Variants in ELAVL3 observed in about 807,000 individuals in gnomAD.
ELAVL3 encodes ELAV-like protein 3.
In ELAVL3, 8 loss-of-function variants were observed where a neutral mutation model predicts 34.2. That is an observed-to-expected ratio of 0.23 (90% CI 0.14 to 0.42). The LOEUF (loss-of-function observed/expected upper bound fraction) is 0.42, where lower values mean the gene tolerates loss of function less well. ELAVL3 is among the 10% of genes least tolerant of loss of function. ELAVL3 has a pLI of 1.00. For synonymous variants in ELAVL3, 209 were observed against 222.1 expected, an observed-to-expected ratio of 0.94 and a Z score of 0.53; for missense variants, 273 against 518.8, an observed-to-expected ratio of 0.53 and a Z score of 4.60.
chr19:11,457,269 G>T, intron 5 of ELAVL3, 121 bp from the exon 6 acceptor site: 2 of 1,079,530 alleles, frequency 1.9e-6, no homozygotes. Flanking sequence ...GCCCCCGCCT[G>T]CCTGCTCCCC....
At chr19:11,471,871 G>T (rs1393302773) in intron 1 of ELAVL3, among the ~76,000 whole-genome samples, 1 of 152,166 alleles carries the variant, frequency 6.6e-6, no homozygotes, top group African/African-American at 2.4e-5. Context: ...AGAACAATTG[G>T]CAAGGGCTAT....
At chr19:11,461,634 G>A (rs1599534064) in intron 3 of ELAVL3, among the ~76,000 whole-genome samples, 1 of 150,894 alleles carries the variant, frequency 6.6e-6, no homozygotes, top group East Asian at 2.0e-4. Context: ...GTCTTGCTGT[G>A]TTGCCCAGGC....
At chr19:11,465,675 G>A (rs986674764) in intron 3 of ELAVL3, among the ~76,000 whole-genome samples, 1 of 152,176 alleles carries the variant, frequency 6.6e-6, no homozygotes, top group African/African-American at 2.4e-5. Context: ...AGAGAGGGGG[G>A]TTTCCATGAC....
rs200383181 is a variant in ELAVL3 at position 11,454,500 on chromosome 19, G to T, written c.*26C>A. On this transcript the variant is annotated 3_prime_UTR_variant, in exon 7 of 7. Transcript: ENST00000359227. The surrounding 1 kb of genome is among the most constrained non-coding windows in gnomAD (Gnocchi z 9.2). ...CTCTCTCTCTCTGCTGCCCGGGGAG[G>T]GGGTGGGAGGGCAGGCGGGGTGGGC... The T allele has an allele frequency of 5.9e-6, 9 of 1,538,366 alleles. No individual in the cohort carries two copies. Among genetic ancestry groups the T allele is most frequent in the East Asian group, 2.3e-5 (1 of 43,126 alleles).
intron 3 of ELAVL3, among the ~76,000 whole-genome samples, chr19:11,463,700 G>T (rs1447209004): frequency 6.6e-6 from 1 of 152,006 alleles, no homozygotes; most frequent in Non-Finnish European, 1.5e-5. Flanking sequence ...GGCCGGGTGC[G>T]GTGGCTCACA....
At chr19:11,459,665 G>A (rs1373537619) in intron 3 of ELAVL3, among the ~76,000 whole-genome samples, 1 of 151,798 alleles carries the variant, frequency 6.6e-6, no homozygotes, top group African/African-American at 2.4e-5. Context: ...CTCCCATCTC[G>A]GCCTCCCAAA....
At position 11,458,095 on chromosome 19, in the gene ELAVL3, C is replaced by A. The variant is rs1188446733; in HGVS notation, c.679G>T (p.Ala227Ser). The change falls in exon 5 of 7, where the codon GCA (alanine) becomes TCA (serine). Residue 227 changes from alanine (A) to serine (S), a missense_variant. By Grantham distance (99) the Ala-to-Ser change is moderately conservative. Coordinates refer to ENST00000359227, the MANE Select transcript of ELAVL3 (RefSeq NM_001420.4). The surrounding 1 kb of genome is among the most constrained non-coding windows in gnomAD (Gnocchi z 7.3). Reference protein sequence around the residue: ...HLYQSSARRYAGPLHHQTQRF... With the variant: ...HLYQSSARRYSGPLHHQTQRF... ...TGGGTCTGATGGTGTAGGGGGCCTG[C>A]GTAGCGCCGGGCGGATGACTGGTAG... The A allele has an allele frequency of 6.2e-7, 1 of 1,613,644 alleles. No homozygotes were observed.
chr19:11,477,840 C>T (rs1372080527), intron 1 of ELAVL3, among the ~76,000 whole-genome samples: 4 of 151,988 alleles, frequency 2.6e-5, no homozygotes, highest in Non-Finnish European at 5.9e-5. Flanking sequence ...AGGTGTGCAC[C>T]ATCGCGCCCC....
chr19:11,466,902 G>T lies in ELAVL3; in HGVS notation c.10-75C>A. On this transcript the variant is annotated intron_variant, in intron 1 of 6. Transcript: ENST00000359227. This position sits in a 1 kb window ranked among gnomAD's most constrained non-coding sequence, Gnocchi z 5.0. Reference sequence around the variant, plus strand: ...GCCTGCGGCAATGAGTGGCTTGGTGGTGATGAATTAGCCATGTCTTATAGG... The same window carrying T: ...GCCTGCGGCAATGAGTGGCTTGGTGTTGATGAATTAGCCATGTCTTATAGG... 1 of 1,305,472 alleles carries T rather than the reference G, an allele frequency of 7.7e-7. No homozygotes were observed. The highest frequency in any genetic ancestry group is 1.1e-6 in the Non-Finnish European group (1 of 937,104). The allele number at this position is 1,305,472 out of a possible 1,614,324, so 80.9% of individuals were successfully genotyped here.
In ELAVL3 at chr19:11,480,708, C is replaced by T. The variant is rs528084459; in HGVS notation, c.-100G>A. On this transcript the variant is annotated 5_prime_UTR_variant, in exon 1 of 7. Coordinates refer to ENST00000359227, the MANE Select transcript of ELAVL3 (RefSeq NM_001420.4). This position sits in a 1 kb window ranked among gnomAD's most constrained non-coding sequence, Gnocchi z 6.8. ...TGCTCACGCTGGGGTCCCGCCCGGG[C>T]GGCCTCTGGTGCGGCCGCTGCAGAT... 35 of 1,222,082 alleles carry T rather than the reference C, an allele frequency of 2.9e-5. No individual in the cohort carries two copies. The South Asian group carries it at 8.1e-4, about 28-fold the overall frequency. The allele number at this position is 1,222,082 out of a possible 1,614,324, so 75.7% of individuals were successfully genotyped here. A position where few individuals can be genotyped will look rare whatever the true frequency, so the allele number is the denominator to read the frequency against.
intron 3 of ELAVL3, among the ~76,000 whole-genome samples, chr19:11,462,659 GAAAT>G (rs1326519159): frequency 1.4e-5 from 2 of 138,034 alleles, no homozygotes; most frequent in Non-Finnish European, 3.1e-5. Flanking sequence ...AATTAATTAA[GAAAT>G]AAATCATGTC....
chr19:11,463,879 G>A (rs1478393985), intron 3 of ELAVL3, among the ~76,000 whole-genome samples: 1 of 151,738 alleles, frequency 6.6e-6, no homozygotes, highest in Non-Finnish European at 1.5e-5. Flanking sequence ...TGAGGCAGGA[G>A]AATCGCTTGA....
chr19:11,464,135 C>CTCTCTCTCTGTCTT (rs1970954484), intron 3 of ELAVL3, among the ~76,000 whole-genome samples: 2 of 108,586 alleles, frequency 1.8e-5, no homozygotes, highest in South Asian at 5.7e-4. Flanking sequence ...CTCTCTCTCT[C>CTCTCTCTCTGTCTT]TCTCTCTCTC....
chr19:11,471,088 G>A (rs947022102), intron 1 of ELAVL3, among the ~76,000 whole-genome samples: 6 of 152,046 alleles, frequency 3.9e-5, no homozygotes, highest in East Asian at 3.9e-4. Flanking sequence ...CGAGGTGGGC[G>A]GATCACGAGG....
At position 11,451,494 on chromosome 19, in the gene ELAVL3, C is replaced by CTTTTTTTTTTTTTTTTTTTTTTTGTTT. The variant is rs950823031; in HGVS notation, c.*3031_*3032insAAACAAAAAAAAAAAAAAAAAAAAAAA. On this transcript the variant is annotated 3_prime_UTR_variant, in exon 7 of 7. Transcript: ENST00000359227. ...TTTTTTTTTTTGTCTTTTGTTTTGTCTTTTTTTTTTTTTTTTTTTTTACAG... is the reference window on the plus strand; with the variant it reads ...TTTTTTTTTTTGTCTTTTGTTTTGTCTTTTTTTTTTTTTTTTTTTTTTTGTTTTTTTTTTTTTTTTTTTTTTTTACAG... 1 of 65,532 alleles carries CTTTTTTTTTTTTTTTTTTTTTTTGTTT rather than the reference C, an allele frequency of 1.5e-5. No individual in the cohort carries two copies. Among genetic ancestry groups the CTTTTTTTTTTTTTTTTTTTTTTTGTTT allele is most frequent in the Non-Finnish European group, 3.0e-5 (1 of 33,100 alleles). The allele number at this position is 65,532 out of a possible 1,614,324, so 4.1% of individuals were successfully genotyped here. A position where few individuals can be genotyped will look rare whatever the true frequency, so the allele number is the denominator to read the frequency against.
In ELAVL3 at chr19:11,454,296, G is replaced by A. The variant is rs926413565; in HGVS notation, c.*230C>T. 6 of 545,774 alleles carry A rather than the reference G, an allele frequency of 1.1e-5. No individual in the cohort carries two copies. The highest frequency in any genetic ancestry group is 1.6e-5 in the Non-Finnish European group (5 of 307,636). The allele number at this position is 545,774 out of a possible 1,614,324, so 33.8% of individuals were successfully genotyped here. ...GAGAGAGTGAACAGCCCAGCCTGGG[G>A]TGGGGGCAGGAGGATGGGGCGGGGG... On this transcript the variant is annotated 3_prime_UTR_variant, in exon 7 of 7. Transcript: ENST00000359227. This position sits in a 1 kb window ranked among gnomAD's most constrained non-coding sequence, Gnocchi z 9.2.
intron 3 of ELAVL3, among the ~76,000 whole-genome samples, chr19:11,462,796 TA>T (rs1204912364): frequency 6.7e-6 from 1 of 148,826 alleles, no homozygotes; most frequent in Non-Finnish European, 1.5e-5. Context: ...CCGTCTCTAC[TA>T]AAAAAAATAC....
In ELAVL3 at chr19:11,457,191, G is replaced by GC. The variant is rs774655238; in HGVS notation, c.714-44dup. 13 of 1,534,074 alleles carry GC rather than the reference G, an allele frequency of 8.5e-6. No homozygotes were observed. In the South Asian group the frequency reaches 1.4e-4, roughly 16 times the overall value. On this transcript the variant is annotated intron_variant, in intron 5 of 6. Transcript: ENST00000359227. Reference sequence around the variant, plus strand: ...GTGGTCAGAGGTGGCTTCCAGTCACGCCCCCCTGCTGTGACACCGTCGGCC... The same window carrying GC: ...GTGGTCAGAGGTGGCTTCCAGTCACGCCCCCCCTGCTGTGACACCGTCGGCC...
intron 1 of ELAVL3, among the ~76,000 whole-genome samples, chr19:11,471,868 T>C (rs547662815): frequency 6.6e-6 from 1 of 152,254 alleles, no homozygotes; most frequent in South Asian, 2.1e-4. Flanking sequence ...TTCAGAACAA[T>C]TGGCAAGGGC....
Sources: allele counts gnomAD v4.1 joint callset (sites outside exome capture counted in the v4.1 genomes callset), GRCh38; gene constraint gnomAD v4.1.1; non-coding constraint Gnocchi (gnomAD v3.1); transcripts MANE v1.5; gene names NCBI Gene and HGNC (gene_info 2026-07-23, HGNC 2026-07-21).